The following ZFYVE26 variants were observed in gnomAD, a reference collection of about 807,000 sequenced individuals.
ZFYVE26 encodes zinc finger FYVE-type containing 26.
A neutral mutation model predicts 276.5 loss-of-function variants in ZFYVE26; 181 were observed. The observed-to-expected ratio is 0.65, with a 90% CI of 0.58 to 0.74. The LOEUF (loss-of-function observed/expected upper bound fraction) is 0.74, where lower values mean the gene tolerates loss of function less well. ZFYVE26 is among the 30% of genes least tolerant of loss of function. ZFYVE26 has a pLI of 0.00. For synonymous variants in ZFYVE26, 1,129 were observed against 1,203.1 expected, an observed-to-expected ratio of 0.94 and a Z score of 1.27; for missense variants, 2,821 against 3,097.9, an observed-to-expected ratio of 0.91 and a Z score of 2.12.
Position 67,762,801 on chromosome 14 carries a change from A to G in ZFYVE26, c.6030T>C (p.Asp2010=), listed in dbSNP as rs1449335899. The change falls in exon 33 of 42, where the codon GAT becomes GAC. Residue 2010 remains aspartate, a synonymous_variant. Coordinates refer to ENST00000347230, the MANE Select transcript of ZFYVE26 (RefSeq NM_015346.4). Reference sequence around the variant, plus strand: ...CAGCAGCAACTAAAATATTCAGCACATCTACCTTGCTGATGTAGCTACAAG... The same window carrying G: ...CAGCAGCAACTAAAATATTCAGCACGTCTACCTTGCTGATGTAGCTACAAG... ...ALCDSYISKV[D]VLNILVAAAY... is the part of the protein sequence containing the mutation. The G allele has an allele frequency of 6.2e-7, 1 of 1,614,106 alleles. No homozygotes were observed. The highest frequency in any genetic ancestry group is 1.7e-5 in the Admixed American group (1 of 60,028).
downstream of ZFYVE26, among the ~76,000 whole-genome samples, chr14:67,745,954 A>G (rs1287391720): frequency 6.7e-6 from 1 of 148,840 alleles, no homozygotes; most frequent in East Asian, 2.0e-4. Flanking sequence ...AAAAAAAAAA[A>G]AAAAAAAAAA....
At chr14:67,772,243 G>A in intron 27 of ZFYVE26, 33 bp from the exon 28 acceptor site, 1 of 1,604,388 alleles carries the variant, frequency 6.2e-7, no homozygotes, top group Non-Finnish European at 8.5e-7. Context: ...AGAGTAAAAG[G>A]TAATCAATAT....
chr14:67,748,732 C>T (rs2038555523), intron 41 of ZFYVE26, 93 bp from the exon 42 acceptor site: 2 of 1,250,080 alleles, frequency 1.6e-6, no homozygotes, highest in Middle Eastern at 3.7e-4. Context: ...CAGACAGACA[C>T]CATGTCTCAC....
chr14:67,815,257 G>A (rs2040377517), intron 2 of ZFYVE26, among the ~76,000 whole-genome samples: 1 of 152,196 alleles, frequency 6.6e-6, no homozygotes, highest in Non-Finnish European at 1.5e-5. Flanking sequence ...AAAGTAATGT[G>A]CCAATGTCAA....
chr14:67,744,939 T>C (rs1450779060), downstream of ZFYVE26, among the ~76,000 whole-genome samples: 6 of 152,198 alleles, frequency 3.9e-5, no homozygotes, highest in Admixed American at 1.3e-4. Context: ...AGTAATGAGA[T>C]TGCTGGGTCA....
At chr14:67,814,798 A>C (rs1399854175) in intron 2 of ZFYVE26, among the ~76,000 whole-genome samples, 1 of 152,208 alleles carries the variant, frequency 6.6e-6, no homozygotes, top group African/African-American at 2.4e-5. Context: ...TGAAGTTAGG[A>C]ATTTAGACGG....
Position 67,748,255 on chromosome 14 carries a change from G to A in ZFYVE26, c.*181C>T. ...AGATTCCACAATTTTAGAGAAACAT[G>A]GCACTTGCGTGAAAGGTCCTATCCT... On this transcript the variant is annotated 3_prime_UTR_variant, in exon 42 of 42. Transcript: ENST00000347230. 2 of 648,858 alleles carry A rather than the reference G, an allele frequency of 3.1e-6. No homozygotes were observed. Among genetic ancestry groups the A allele is most frequent in the South Asian group, 1.9e-5 (1 of 51,460 alleles). The allele number at this position is 648,858 out of a possible 1,614,324, so 40.2% of individuals were successfully genotyped here.
rs147231904 is a variant in ZFYVE26 at position 67,783,243 on chromosome 14, A to G, written c.3909T>C (p.Ser1303=). The change falls in exon 21 of 42, where the codon TCT becomes TCC. Residue 1303 remains serine, a synonymous_variant. Coordinates refer to ENST00000347230, the MANE Select transcript of ZFYVE26 (RefSeq NM_015346.4). ...RDSSLPALTS[S]ALAFLKSRSK... The stretch of plus-strand genomic sequence containing the variant: ...AGCGTGACTTAAGAAAGGCCAAGGC[A>G]GAGGAGGTGAGGGCTGGGAGTGATG... The G allele has an allele frequency of 6.2e-5, 100 of 1,613,906 alleles. No individual in the cohort carries two copies. The highest frequency in any genetic ancestry group is 8.3e-5 in the Non-Finnish European group (98 of 1,179,896).
In ZFYVE26 at chr14:67,788,695, A is replaced by G. The variant is rs1191240027; in HGVS notation, c.3019+640T>C. On this transcript the variant is annotated intron_variant, in intron 16 of 41. Transcript: ENST00000347230. ...AGAGAATCACTGAACCTGGGGGTGG[A>G]CTTGGGGACCCCAGACACATGGGGC... Among the ~76,000 whole-genome samples, 7 of 152,150 alleles carry G rather than the reference A, an allele frequency of 4.6e-5. No individual in the cohort carries two copies. In the South Asian group the frequency reaches 1.5e-3, roughly 32 times the overall value.
Position 67,783,146 on chromosome 14 carries a change from A to T in ZFYVE26, c.4006T>A (p.Trp1336Arg), listed in dbSNP as rs755562098. 1.2e-6 allele frequency: 2 copies of T among 1,607,964 alleles called. No individual in the cohort carries two copies. Among genetic ancestry groups the T allele is most frequent in the Non-Finnish European group, 1.7e-6 (2 of 1,175,718 alleles). Residue 1336 changes from tryptophan to arginine, a missense_variant, in exon 21 of 42, where the codon TGG becomes AGG. Transcript: ENST00000347230. The part of the protein sequence containing the change: ...RLKVSKPSLS[W>R]KELRGRREVP... ...TCCCTGCGGCCACGAAGTTCCTTCCATGACAAGCTGGGTTTGCTGACCTTT... is the reference window on the plus strand; with the variant it reads ...TCCCTGCGGCCACGAAGTTCCTTCCTTGACAAGCTGGGTTTGCTGACCTTT...
chr14:67,739,836 A>G (rs1342083246), intron 13 of ZFYVE26, among the ~76,000 whole-genome samples: 1 of 152,224 alleles, frequency 6.6e-6, no homozygotes, highest in Non-Finnish European at 1.5e-5. Flanking sequence ...ATTAGCCAAA[A>G]TGATCAGCTA....
chr14:67,781,579 G>A (rs372792348), intron 21 of ZFYVE26, 50 bp from the exon 22 acceptor site: 3 of 1,558,886 alleles, frequency 1.9e-6, no homozygotes, highest in Non-Finnish European at 2.7e-6. Context: ...GACCAGAAGA[G>A]TTCAAGAGTC....
Position 67,815,991 on chromosome 14 carries a change from C to T in ZFYVE26, c.-28G>A. ...TCCCAGCACAGAGTGCAGGGAGATA[C>T]AAAGAAATGAGTTATGCCGAACACA... is the stretch of plus-strand genomic sequence containing the variant. On this transcript the variant is annotated 5_prime_UTR_variant, in exon 2 of 42. Coordinates refer to ENST00000347230, the MANE Select transcript of ZFYVE26 (RefSeq NM_015346.4). 6.3e-7 allele frequency: 1 copy of T among 1,575,640 alleles called. No homozygotes were observed. The highest frequency in any genetic ancestry group is 8.6e-7 in the Non-Finnish European group (1 of 1,158,004).
At position 67,729,233 on chromosome 14, in the gene ZFYVE26, G is replaced by A. The variant is rs750636662; in HGVS notation, n.3266C>T. 4.2e-5 allele frequency: 67 copies of A among 1,610,986 alleles called. No individual in the cohort carries two copies. The Admixed American group carries it at 5.5e-4, about 13-fold the overall frequency. On this transcript the variant is annotated non_coding_transcript_exon_variant, in exon 14 of 15. Coordinates refer to the ZFYVE26 transcript ENST00000394455. ...TACGCAGTGCACCCAGGCGTCGTCC[G>A]CTCTGAGCTGGTCCGGCACTCCTCC...
intron 13 of ZFYVE26, 144 bp from the exon 14 acceptor site, chr14:67,793,903 T>G (rs1350157718): frequency 8.3e-7 from 1 of 1,205,748 alleles, no homozygotes; most frequent in Non-Finnish European, 1.2e-6. Context: ...TTTCCTCAAA[T>G]GAAGGGCAAA....
At chr14:67,752,625 A>G (rs944013270) in intron 39 of ZFYVE26, 99 bp from the exon 40 acceptor site, 4 of 1,282,414 alleles carry the variant, frequency 3.1e-6, no homozygotes, top group Non-Finnish European at 4.4e-6. Flanking sequence ...GGTGTAGATA[A>G]GCCATATTGA....
chr14:67,797,573 G>A (rs1444516118), intron 12 of ZFYVE26, 99 bp downstream of exon 12: 7 of 1,310,546 alleles, frequency 5.3e-6, no homozygotes, highest in East Asian at 4.8e-5. Flanking sequence ...ATTTTACAAC[G>A]CTTTTGTTGT....
At chr14:67,778,805 G>A (rs1161912356) in intron 23 of ZFYVE26, among the ~76,000 whole-genome samples, 1 of 151,128 alleles carries the variant, frequency 6.6e-6, no homozygotes, top group East Asian at 1.9e-4. Context: ...CCCACATGGT[G>A]GTGTCTGGAA....
At chr14:67,742,762 GA>G (rs1396873900), downstream of ZFYVE26, among the ~76,000 whole-genome samples, 8 of 150,644 alleles carry the variant, frequency 5.3e-5, no homozygotes, top group African/African-American at 1.5e-4. Flanking sequence ...GGAGGTGGGG[GA>G]AAAAACAGTC....
Sources: allele counts gnomAD v4.1 joint callset (sites outside exome capture counted in the v4.1 genomes callset), GRCh38; gene constraint gnomAD v4.1.1; transcripts MANE v1.5; gene names NCBI Gene and HGNC (gene_info 2026-07-23, HGNC 2026-07-21).